The following GALNT14 variants were observed in gnomAD, a reference collection of about 807,000 sequenced individuals.
GALNT14 encodes UDP-GalNAc:polypeptide N-acetylgalactosaminyltransferase 14.
In GALNT14, 60 loss-of-function variants were observed where a neutral mutation model predicts 77.5. The observed-to-expected ratio is 0.77, with a 90% CI of 0.63 to 0.96. GALNT14 has a LOEUF of 0.96. GALNT14 is among the 40% of genes least tolerant of loss of function. The pLI is 0.00. For missense variants in GALNT14, 710 were observed against 731.0 expected, an observed-to-expected ratio of 0.97 and a Z score of 0.33; for synonymous variants, 280 against 281.7, an observed-to-expected ratio of 0.99 and a Z score of 0.06.
At chr2:31,117,261 G>A (rs1678156074) in intron 1 of GALNT14, among the ~76,000 whole-genome samples, 1 of 152,100 alleles carries the variant, frequency 6.6e-6, no homozygotes, top group African/African-American at 2.4e-5. Flanking sequence ...TCCTACCTGA[G>A]TAGCTCTTCA....
At chr2:31,014,514 C>A (rs1330924796) in intron 1 of GALNT14, among the ~76,000 whole-genome samples, 1 of 152,190 alleles carries the variant, frequency 6.6e-6, no homozygotes, top group African/African-American at 2.4e-5. Context: ...CTGGCAGGGG[C>A]ATGGTGAGAA....
chr2:31,111,844 C>T (rs1677851414), intron 1 of GALNT14, among the ~76,000 whole-genome samples: 1 of 152,016 alleles, frequency 6.6e-6, no homozygotes, highest in African/African-American at 2.4e-5. Context: ...CCTTTTACTA[C>T]ATCTTGTTTG....
At chr2:30,903,000 G>A in the GALNT14 span, among the ~76,000 whole-genome samples, 1 of 152,154 alleles carries the variant, frequency 6.6e-6, no homozygotes, top group Non-Finnish European at 1.5e-5. Context: ...TTCTATAGAT[G>A]GCTTGATTTA....
chr2:30,989,583 A>AATATATAT (rs1553351621), intron 2 of GALNT14, among the ~76,000 whole-genome samples: 1 of 91,878 alleles, frequency 1.1e-5, no homozygotes, highest in African/African-American at 4.3e-5. Context: ...TATATATATA[A>AATATATAT]AAATATATAT....
chr2:31,074,324 G>A (rs1573304615), intron 1 of GALNT14, among the ~76,000 whole-genome samples: 2 of 152,154 alleles, frequency 1.3e-5, no homozygotes, highest in East Asian at 3.8e-4. Context: ...GCTAACAAAG[G>A]GCAGCTGCTG....
chr2:31,120,457 C>G (rs1298490643), intron 1 of GALNT14, among the ~76,000 whole-genome samples: 1 of 152,204 alleles, frequency 6.6e-6, no homozygotes, highest in African/African-American at 2.4e-5. Context: ...AGAAATATCA[C>G]ACAGACAATA....
In GALNT14 at chr2:31,087,385, C is replaced by T. The variant is rs569338785; in HGVS notation, c.129+50573G>A. 5.6e-5 allele frequency among the ~76,000 whole-genome samples: 8 copies of T among 144,080 alleles called. No individual in the cohort carries two copies. In the East Asian group the frequency reaches 1.6e-3, roughly 28 times the overall value. The allele number at this position is 144,080 out of a possible 152,430, so 94.5% of individuals were successfully genotyped here. A position where few individuals can be genotyped will look rare whatever the true frequency, so the allele number is the denominator to read the frequency against. ...TTCAGAGATAACTGTGAGAGAAATGCACATTTAGGAGTCAACAGAGAGAAG... is the reference window on the plus strand; with the variant it reads ...TTCAGAGATAACTGTGAGAGAAATGTACATTTAGGAGTCAACAGAGAGAAG... On this transcript the variant is annotated intron_variant, in intron 1 of 14. Coordinates refer to ENST00000349752, the MANE Select transcript of GALNT14 (RefSeq NM_024572.4).
At chr2:31,028,610 A>G (rs1422001629) in intron 1 of GALNT14, among the ~76,000 whole-genome samples, 1 of 152,224 alleles carries the variant, frequency 6.6e-6, no homozygotes, top group Non-Finnish European at 1.5e-5. Context: ...ATCAATATGC[A>G]AAGCCTTCGA....
chr2:30,901,164 C>T, the GALNT14 span, among the ~76,000 whole-genome samples: 2 of 152,150 alleles, frequency 1.3e-5, no homozygotes, highest in Non-Finnish European at 2.9e-5. Flanking sequence ...TGAGGCATGC[C>T]TCCACAAGCG....
intron 1 of GALNT14, among the ~76,000 whole-genome samples, chr2:31,092,317 G>A (rs922209561): frequency 6.6e-6 from 1 of 151,270 alleles, no homozygotes; most frequent in Non-Finnish European, 1.5e-5. Context: ...AGAGAACCCT[G>A]ACTAATACAG....
chr2:31,086,270 G>C (rs1283934079), intron 1 of GALNT14, among the ~76,000 whole-genome samples: 1 of 152,184 alleles, frequency 6.6e-6, no homozygotes, highest in African/African-American at 2.4e-5. Context: ...TACCCTCTAA[G>C]AAGTCACTGC....
intron 1 of GALNT14, among the ~76,000 whole-genome samples, chr2:31,089,052 G>A (rs74361070): frequency 0.035 from 5,379 of 152,290 alleles, 306 homozygotes; most frequent in African/African-American, 0.12. Flanking sequence ...AATGTCTTTA[G>A]CCTGGGGAGG....
At chr2:30,970,858 C>G (rs562593991) in intron 2 of GALNT14, among the ~76,000 whole-genome samples, 1 of 152,158 alleles carries the variant, frequency 6.6e-6, no homozygotes, top group South Asian at 2.1e-4. Context: ...GGACTCACCC[C>G]TTGTCTCAGG....
chr2:31,125,060 C>T (rs1001342090), intron 1 of GALNT14: 11 of 857,594 alleles, frequency 1.3e-5, no homozygotes, highest in Non-Finnish European at 1.9e-5. Flanking sequence ...CGCCCAGGAG[C>T]TCTGGCAGAT....
intron 1 of GALNT14, among the ~76,000 whole-genome samples, chr2:31,106,751 G>A (rs1233103392): frequency 5.9e-5 from 9 of 152,158 alleles, no homozygotes; most frequent in South Asian, 2.1e-4. Flanking sequence ...GGTAATTTTC[G>A]TGGCTCTTGC....
intron 2 of GALNT14, among the ~76,000 whole-genome samples, chr2:30,978,367 G>A (rs887921958): frequency 9.2e-5 from 14 of 152,160 alleles, no homozygotes; most frequent in South Asian, 6.2e-4. Context: ...TGCAGGCAGG[G>A]GCCACGTTTC....
In GALNT14 at chr2:30,910,683, GC is replaced by G. The variant is rs1248764343; in HGVS notation, c.*217del. 1 of 512,396 alleles carries G rather than the reference GC, an allele frequency of 2.0e-6. No homozygotes were observed. The highest frequency in any genetic ancestry group is 2.0e-5 in the African/African-American group (1 of 50,868). The allele number at this position is 512,396 out of a possible 1,614,324, so 31.7% of individuals were successfully genotyped here. ...GACTGGCCAGGACTGGAACTTAACGGCCTTGAGAACATGTGGGATTTGTCTT... is the reference window on the plus strand; with the variant it reads ...GACTGGCCAGGACTGGAACTTAACGGCTTGAGAACATGTGGGATTTGTCTT... On this transcript the variant is annotated 3_prime_UTR_variant, in exon 15 of 15. Transcript: ENST00000349752.
intron 1 of GALNT14, among the ~76,000 whole-genome samples, chr2:31,118,996 T>A (rs1462434877): frequency 6.6e-6 from 1 of 152,154 alleles, no homozygotes; most frequent in Non-Finnish European, 1.5e-5. Flanking sequence ...ATTAATGATG[T>A]TGACACAAAT....
intron 13 of GALNT14, among the ~76,000 whole-genome samples, chr2:30,915,544 G>A (rs542349019): frequency 2.2e-4 from 34 of 152,280 alleles, no homozygotes; most frequent in African/African-American, 7.9e-4. Flanking sequence ...GAGCATTTTC[G>A]GATTTCCATT....
Sources: allele counts gnomAD v4.1 joint callset (sites outside exome capture counted in the v4.1 genomes callset), GRCh38; gene constraint gnomAD v4.1.1; transcripts MANE v1.5; gene names NCBI Gene and HGNC (gene_info 2026-07-23, HGNC 2026-07-21).